Variants in SUPT3H observed in about 807,000 individuals in gnomAD.
SUPT3H encodes transcription initiation protein SPT3 homolog.
In SUPT3H, 44 loss-of-function variants were observed where a neutral mutation model predicts 44.3. The observed-to-expected ratio is 0.99, with a 90% CI of 0.78 to 1.28. The LOEUF is 1.28. Among genes scored for constraint, SUPT3H ranks in the 50% most tolerant of loss-of-function variants. The probability of loss-of-function intolerance (pLI) is 0.00; values close to 1 mark genes in which losing one functional copy is unlikely to be tolerated. For synonymous variants in SUPT3H, 124 were observed against 125.6 expected, an observed-to-expected ratio of 0.99 and a Z score of 0.09; for missense variants, 380 against 387.1, an observed-to-expected ratio of 0.98 and a Z score of 0.15.
chr6:44,821,984 A>T (rs930800748), downstream of SUPT3H, among the ~76,000 whole-genome samples: 2 of 152,250 alleles, frequency 1.3e-5, no homozygotes, highest in African/African-American at 4.8e-5. Context: ...AGTGTCAAAA[A>T]ACTAGCAGGA....
chr6:45,336,327 T>G (rs1788545579), intron 2 of SUPT3H, among the ~76,000 whole-genome samples: 1 of 151,412 alleles, frequency 6.6e-6, no homozygotes, highest in Non-Finnish European at 1.5e-5. Flanking sequence ...ATAACACGCA[T>G]AAGCATATTG....
chr6:44,995,042 T>C (rs1781088730), intron 6 of SUPT3H, among the ~76,000 whole-genome samples: 1 of 152,024 alleles, frequency 6.6e-6, no homozygotes, highest in African/African-American at 2.4e-5. Flanking sequence ...CTATGTAGGG[T>C]TATAGTCCCC....
intron 2 of SUPT3H, among the ~76,000 whole-genome samples, chr6:45,269,330 T>G (rs1173032063): frequency 2.0e-5 from 3 of 152,194 alleles, no homozygotes; most frequent in Non-Finnish European, 4.4e-5. Context: ...TAACACCATT[T>G]TATCAAGAAG....
intron 2 of SUPT3H, among the ~76,000 whole-genome samples, chr6:45,303,640 A>AATAGAAT (rs1341458860): frequency 7.3e-5 from 11 of 151,322 alleles, no homozygotes; most frequent in Admixed American, 2.0e-4. Flanking sequence ...CATTCTATTT[A>AATAGAAT]ATAGAATGAG....
chr6:45,194,417 C>T (rs1815668808), intron 2 of SUPT3H, among the ~76,000 whole-genome samples: 2 of 151,940 alleles, frequency 1.3e-5, no homozygotes, highest in South Asian at 2.1e-4. Flanking sequence ...TTTTACTAAA[C>T]CTATTGTTTA....
rs535306917 is a variant in SUPT3H, at chr6:45,167,698, T to A, written c.102-61692A>T. ...TTTTTCTAGCTGGAATAAGGAAAATTTAGAGGATGAAAAACATTGAGAGAA... is the reference window on the plus strand; with the variant it reads ...TTTTTCTAGCTGGAATAAGGAAAATATAGAGGATGAAAAACATTGAGAGAA... On this transcript the variant is annotated intron_variant, in intron 2 of 10. Coordinates refer to ENST00000371459, the MANE Select transcript of SUPT3H (RefSeq NM_003599.4). 1.2e-3 allele frequency among the ~76,000 whole-genome samples: 183 copies of A among 152,144 alleles called. 1 individual carries two copies. Among genetic ancestry groups the A allele is most frequent in the Middle Eastern group, 3.4e-3 (1 of 294 alleles).
intron 2 of SUPT3H, among the ~76,000 whole-genome samples, chr6:45,139,565 G>C (rs113000213): frequency 6.6e-6 from 1 of 152,070 alleles, no homozygotes; most frequent in African/African-American, 2.4e-5. Context: ...GAAAAACTGT[G>C]AGTTCCCAAA....
chr6:44,990,847 C>T (rs1200440044), intron 6 of SUPT3H, among the ~76,000 whole-genome samples: 1 of 151,626 alleles, frequency 6.6e-6, no homozygotes, highest in East Asian at 1.9e-4. Context: ...CTTAAAAGAA[C>T]AATGATTTAA....
At chr6:44,926,568 C>A (rs1196204557) in intron 10 of SUPT3H, among the ~76,000 whole-genome samples, 1 of 151,872 alleles carries the variant, frequency 6.6e-6, no homozygotes, top group East Asian at 1.9e-4. Context: ...TAATTCAATT[C>A]AAAGAAATAC....
intron 10 of SUPT3H, among the ~76,000 whole-genome samples, chr6:44,845,088 A>G (rs961094984): frequency 1.3e-5 from 2 of 152,156 alleles, no homozygotes; most frequent in East Asian, 1.9e-4. Flanking sequence ...TGTTCATTAG[A>G]AAGTCCCAGT....
At chr6:44,992,634 C>T (rs1780748484) in intron 6 of SUPT3H, among the ~76,000 whole-genome samples, 1 of 152,022 alleles carries the variant, frequency 6.6e-6, no homozygotes, top group Non-Finnish European at 1.5e-5. Flanking sequence ...ATGCTGCCAC[C>T]ATGTATTTTG....
chr6:45,283,334 G>A (rs1778546372), intron 2 of SUPT3H, among the ~76,000 whole-genome samples: 1 of 152,056 alleles, frequency 6.6e-6, no homozygotes, highest in African/African-American at 2.4e-5. Context: ...CTGTATTCAG[G>A]AAACCCACCT....
chr6:45,170,726 T>C (rs187848590), intron 2 of SUPT3H, among the ~76,000 whole-genome samples: 53 of 152,206 alleles, frequency 3.5e-4, no homozygotes, highest in Admixed American at 2.9e-3. Flanking sequence ...GCAATTGGCT[T>C]TTACTTAACT....
At chr6:44,995,288 G>A (rs1781128850) in intron 6 of SUPT3H, among the ~76,000 whole-genome samples, 1 of 151,978 alleles carries the variant, frequency 6.6e-6, no homozygotes. Context: ...ATATAATCAT[G>A]TCTCAAATAA....
At chr6:45,109,726 A>C (rs1033714154) in intron 2 of SUPT3H, among the ~76,000 whole-genome samples, 3 of 152,212 alleles carry the variant, frequency 2.0e-5, no homozygotes, top group Non-Finnish European at 4.4e-5. Flanking sequence ...ACAGAAATGA[A>C]AACTGCTGTA....
At chr6:45,056,557 G>C (rs892702244) in intron 3 of SUPT3H, among the ~76,000 whole-genome samples, 11 of 152,084 alleles carry the variant, frequency 7.2e-5, no homozygotes, top group African/African-American at 2.7e-4. Context: ...GCAGCAACCT[G>C]GGTGGAACTG....
intron 10 of SUPT3H, among the ~76,000 whole-genome samples, chr6:44,834,884 G>A (rs112108442): frequency 6.6e-6 from 1 of 152,114 alleles, no homozygotes; most frequent in Admixed American, 6.5e-5. Context: ...GGTTAGGGGA[G>A]GGGGAAGGAA....
chr6:45,131,027 T>C (rs1284611437), intron 2 of SUPT3H, among the ~76,000 whole-genome samples: 2 of 151,874 alleles, frequency 1.3e-5, no homozygotes, highest in African/African-American at 4.8e-5. Flanking sequence ...AAGAACACTT[T>C]TAAGTAGCAA....
intron 2 of SUPT3H, among the ~76,000 whole-genome samples, chr6:45,175,953 T>C (rs942286064): frequency 6.6e-5 from 10 of 152,234 alleles, no homozygotes; most frequent in African/African-American, 2.2e-4. Flanking sequence ...AGGGAATTTC[T>C]TCCTAGCAGA....
Sources: gnomAD v4.1 joint callset for allele counts (sites outside exome capture counted in the v4.1 genomes callset) on GRCh38, gnomAD v4.1.1 for gene constraint, MANE v1.5 for transcripts, NCBI Gene and HGNC (gene_info 2026-07-23, HGNC 2026-07-21) for gene names.